IMMP2L: variants seen among roughly 807,000 people sequenced by gnomAD.
IMMP2L encodes the protein inner mitochondrial membrane peptidase subunit 2, also known as mitochondrial inner membrane protease subunit 2.
A neutral mutation model predicts 19.3 loss-of-function variants in IMMP2L; 18 were observed. The observed-to-expected ratio is 0.93, with a 90% CI of 0.64 to 1.38. The LOEUF (loss-of-function observed/expected upper bound fraction) is 1.38. Ranked by LOEUF, IMMP2L falls within the 40% of genes most tolerant of loss-of-function variation. IMMP2L has a pLI of 0.00. For synonymous variants in IMMP2L, 76 were observed against 73.0 expected (o/e 1.04, Z -0.21); for missense variants, 233 against 218.2 (o/e 1.07, Z -0.43).
Position 110,870,569 on chromosome 7 carries a change from C to T in IMMP2L, c.408+16024G>A, listed in dbSNP as rs1055676378. Among the ~76,000 whole-genome samples, 4 of 151,958 alleles carry T rather than the reference C, an allele frequency of 2.6e-5. No individual in the cohort carries two copies. Among genetic ancestry groups the T allele is most frequent in the East Asian group, 3.9e-4 (2 of 5,168 alleles). ...GTGTGTGAGTGTGTGTGTGTGCACGCGCATGTGTGCGTGTGTTCCATTTTG... is the reference window on the plus strand; with the variant it reads ...GTGTGTGAGTGTGTGTGTGTGCACGTGCATGTGTGCGTGTGTTCCATTTTG... On this transcript the variant is annotated intron_variant, in intron 5 of 5. Coordinates refer to ENST00000405709, the MANE Select transcript of IMMP2L (RefSeq NM_032549.4). This position sits in a 1 kb window ranked among gnomAD's most constrained non-coding sequence, Gnocchi z 4.2.
At chr7:110,834,865 A>C (rs562097686) in intron 5 of IMMP2L, among the ~76,000 whole-genome samples, 27 of 152,252 alleles carry the variant, frequency 1.8e-4, no homozygotes, top group African/African-American at 6.0e-4. Context: ...TTGTGGAGTA[A>C]AGCACAACTT....
intron 2 of IMMP2L, among the ~76,000 whole-genome samples, chr7:111,500,000 G>T (rs538741835): frequency 3.3e-5 from 5 of 152,264 alleles, no homozygotes; most frequent in African/African-American, 1.2e-4. Flanking sequence ...CCAAAGCAGG[G>T]TGAGGCATTG....
At chr7:110,972,668 G>A (rs1820271472) in intron 3 of IMMP2L, among the ~76,000 whole-genome samples, 2 of 151,970 alleles carry the variant, frequency 1.3e-5, no homozygotes, top group African/African-American at 4.8e-5. Flanking sequence ...GAAAAACAGG[G>A]GAGATTTACT....
chr7:111,055,149 C>T (rs970462939), intron 3 of IMMP2L, among the ~76,000 whole-genome samples: 5 of 151,776 alleles, frequency 3.3e-5, no homozygotes, highest in African/African-American at 1.2e-4. Context: ...CTCTTGGGCT[C>T]GGGCAAGCTT....
intron 3 of IMMP2L, among the ~76,000 whole-genome samples, chr7:111,079,303 G>C (rs1438392525): frequency 6.6e-6 from 1 of 150,880 alleles, no homozygotes. Flanking sequence ...ATTTTTAGTA[G>C]AGACGGGGTT....
intron 3 of IMMP2L, among the ~76,000 whole-genome samples, chr7:111,012,203 A>G (rs893741844): frequency 2.6e-5 from 4 of 152,178 alleles, no homozygotes; most frequent in African/African-American, 7.2e-5. Flanking sequence ...GCTAATTTTC[A>G]TATGCACCAT....
In IMMP2L at chr7:111,183,388, A is replaced by G. The variant is rs534933837; in HGVS notation, c.240-219823T>C. On this transcript the variant is annotated intron_variant, in intron 3 of 5. Coordinates refer to ENST00000405709, the MANE Select transcript of IMMP2L (RefSeq NM_032549.4). ...AATTCCATAAAGATCAAACTAATTAAGGTACTTAATTGCCTCTGACTAATT... is the reference window on the plus strand; with the variant it reads ...AATTCCATAAAGATCAAACTAATTAGGGTACTTAATTGCCTCTGACTAATT... 5.3e-5 allele frequency among the ~76,000 whole-genome samples: 8 copies of G among 152,240 alleles called. No homozygotes were observed. In the East Asian group the frequency reaches 1.5e-3, roughly 29 times the overall value.
At chr7:111,385,517 T>C (rs1042061462) in intron 3 of IMMP2L, among the ~76,000 whole-genome samples, 2 of 152,138 alleles carry the variant, frequency 1.3e-5, no homozygotes, top group African/African-American at 4.8e-5. Flanking sequence ...TGCCAAGTGG[T>C]CCTTTTCATT....
intron 2 of IMMP2L, among the ~76,000 whole-genome samples, chr7:111,517,239 T>C (rs1006012629): frequency 1.3e-5 from 2 of 152,086 alleles, no homozygotes; most frequent in Non-Finnish European, 2.9e-5. Flanking sequence ...CATAAATGTA[T>C]GTTATTGATG....
At chr7:110,902,224 A>C (rs1371947333) in intron 4 of IMMP2L, among the ~76,000 whole-genome samples, 1 of 151,962 alleles carries the variant, frequency 6.6e-6, no homozygotes, top group African/African-American at 2.4e-5. Flanking sequence ...AACACCAAAA[A>C]AATGTGATAA....
chr7:110,930,021 G>A (rs1815292623), intron 4 of IMMP2L, among the ~76,000 whole-genome samples: 1 of 152,114 alleles, frequency 6.6e-6, no homozygotes, highest in Non-Finnish European at 1.5e-5. Flanking sequence ...CTTAGCTCAG[G>A]AGAAGTAATC....
At chr7:111,458,969 C>A (rs2131987395) in intron 3 of IMMP2L, among the ~76,000 whole-genome samples, 2 of 152,178 alleles carry the variant, frequency 1.3e-5, no homozygotes, top group Middle Eastern at 3.4e-3. Flanking sequence ...GTAATCCTAA[C>A]AATCTAAAAT....
intron 5 of IMMP2L, among the ~76,000 whole-genome samples, chr7:110,674,626 A>G (rs938539092): frequency 2.0e-5 from 3 of 152,194 alleles, no homozygotes; most frequent in African/African-American, 4.8e-5. Context: ...ATTACCTACA[A>G]TTATGTTTGA....
chr7:111,399,681 T>C (rs1176251584), intron 3 of IMMP2L, among the ~76,000 whole-genome samples: 2 of 152,122 alleles, frequency 1.3e-5, no homozygotes, highest in African/African-American at 4.8e-5. Context: ...GCATTATTAT[T>C]AATGTATCCT....
At chr7:111,089,128 T>C (rs1395539542) in intron 3 of IMMP2L, among the ~76,000 whole-genome samples, 1 of 152,178 alleles carries the variant, frequency 6.6e-6, no homozygotes, top group Non-Finnish European at 1.5e-5. Context: ...TGAAATAATG[T>C]AAGATAACAT....
intron 5 of IMMP2L, among the ~76,000 whole-genome samples, chr7:110,838,344 C>T (rs543613573): frequency 5.3e-5 from 8 of 152,192 alleles, no homozygotes; most frequent in African/African-American, 1.2e-4. Flanking sequence ...TTGTCCTTTG[C>T]GTTTCTTGTG....
intron 4 of IMMP2L, among the ~76,000 whole-genome samples, chr7:110,949,691 G>A (rs1273337393): frequency 6.6e-6 from 1 of 152,042 alleles, no homozygotes; most frequent in African/African-American, 2.4e-5. Flanking sequence ...CCTATATACT[G>A]TCTGTCTTTT....
intron 4 of IMMP2L, among the ~76,000 whole-genome samples, chr7:110,922,082 G>C (rs1023233750): frequency 6.6e-6 from 1 of 152,154 alleles, no homozygotes; most frequent in Non-Finnish European, 1.5e-5. Flanking sequence ...GCTTCAGCTA[G>C]TGTGTTTCAC....
chr7:110,920,835 C>T (rs1290379565), intron 4 of IMMP2L, among the ~76,000 whole-genome samples: 4 of 152,042 alleles, frequency 2.6e-5, no homozygotes, highest in Admixed American at 1.3e-4. Flanking sequence ...TAGTTGAGTT[C>T]GCATACACCT....
Sources: allele counts gnomAD v4.1 joint callset (sites outside exome capture counted in the v4.1 genomes callset), GRCh38; gene constraint gnomAD v4.1.1; non-coding constraint Gnocchi (gnomAD v3.1); transcripts MANE v1.5; gene names NCBI Gene and HGNC (gene_info 2026-07-23, HGNC 2026-07-21).